The following ADHFE1 variants were observed in gnomAD, a reference collection of about 807,000 sequenced individuals.
The protein encoded by ADHFE1 is hydroxyacid-oxoacid transhydrogenase, mitochondrial.
ADHFE1 carries 37 observed loss-of-function variants against 54.8 expected under a neutral mutation model. The ratio of observed to expected loss-of-function variants is 0.68; its 90% CI spans 0.52 to 0.89. The LOEUF (loss-of-function observed/expected upper bound fraction) is 0.89. Ranked by LOEUF, ADHFE1 falls within the 40% of genes least tolerant of loss-of-function variation. ADHFE1 has a pLI of 0.00. For synonymous variants in ADHFE1, 203 were observed against 229.3 expected (o/e 0.89, Z 1.04); for missense variants, 601 against 591.2 (o/e 1.02, Z -0.17).
intron 13 of ADHFE1, among the ~76,000 whole-genome samples, chr8:66,461,986 C>T (rs186821309): frequency 1.8e-4 from 28 of 152,320 alleles, no homozygotes; most frequent in East Asian, 9.6e-4. Context: ...CACTCTCTAA[C>T]GCCCTCACAG....
At chr8:66,438,410 A>G (rs1221638816) in intron 1 of ADHFE1, among the ~76,000 whole-genome samples, 1 of 152,158 alleles carries the variant, frequency 6.6e-6, no homozygotes, top group Non-Finnish European at 1.5e-5. Flanking sequence ...GCAGAGTGGA[A>G]AAGGAGCCAG....
At chr8:66,438,278 G>C (rs1461003430) in intron 1 of ADHFE1, among the ~76,000 whole-genome samples, 2 of 152,158 alleles carry the variant, frequency 1.3e-5, no homozygotes, top group Non-Finnish European at 2.9e-5. Context: ...GGAAAACTGG[G>C]TGGGCTTGAG....
chr8:66,452,888 C>T (rs1295138054), intron 9 of ADHFE1, among the ~76,000 whole-genome samples: 2 of 152,218 alleles, frequency 1.3e-5, no homozygotes, highest in Non-Finnish European at 2.9e-5. Context: ...GTCAGACTCA[C>T]GTTTGTATTT....
chr8:66,458,117 G>A (rs1195878535), intron 12 of ADHFE1, among the ~76,000 whole-genome samples: 4 of 152,226 alleles, frequency 2.6e-5, no homozygotes, highest in Admixed American at 2.0e-4. Flanking sequence ...TAAGTAAAAT[G>A]TTGGTGTTTT....
chr8:66,467,109 A>T (rs1043152469), intron 13 of ADHFE1, among the ~76,000 whole-genome samples: 1 of 152,166 alleles, frequency 6.6e-6, no homozygotes, highest in Non-Finnish European at 1.5e-5. Flanking sequence ...ACCTTTCAGG[A>T]AGCTTCTCAA....
intron 12 of ADHFE1, among the ~76,000 whole-genome samples, chr8:66,459,844 T>C (rs1272787250): frequency 1.3e-5 from 2 of 152,246 alleles, no homozygotes; most frequent in Non-Finnish European, 2.9e-5. Flanking sequence ...TTTAGAGCTT[T>C]TGTACTTCTG....
At chr8:66,459,163 G>A (rs1806751181) in intron 12 of ADHFE1, among the ~76,000 whole-genome samples, 1 of 152,056 alleles carries the variant, frequency 6.6e-6, no homozygotes, top group African/African-American at 2.4e-5. Context: ...AAGAGAAAGT[G>A]GACTTAGACT....
rs1460354789 is a variant in ADHFE1, at chr8:66,454,059, G to C, written c.888G>C (p.Arg296Ser). The C allele has an allele frequency of 8.1e-6, 13 of 1,613,898 alleles. No homozygotes were observed. The highest frequency in any genetic ancestry group is 1.1e-5 in the Non-Finnish European group (13 of 1,179,930). Residue 296 changes from arginine (R) to serine (S), a missense_variant and splice_region_variant, in exon 10 of 14, where the codon AGG (arginine) becomes AGC (serine). Arg to Ser is a moderately radical substitution (Grantham distance 110, BLOSUM62 -1). Transcript: ENST00000396623. ...TGTTAGGTATTTATATCATTCACAGGGCTGTCAGAAATCCCGATGATCTTG... is the reference window on the plus strand; with the variant it reads ...TGTTAGGTATTTATATCATTCACAGCGCTGTCAGAAATCCCGATGATCTTG... ...ALRIVAKYLK[R>S]AVRNPDDLEA...
At chr8:66,452,214 A>G (rs1490943440) in intron 9 of ADHFE1, 109 bp downstream of exon 9, 26 of 1,422,466 alleles carry the variant, frequency 1.8e-5, no homozygotes, top group Non-Finnish European at 1.9e-6. Flanking sequence ...CTGTTCCAGA[A>G]AAGCAGTCAG....
Position 66,457,093 on chromosome 8 carries a change from C to T in ADHFE1, c.1089C>T (p.Leu363=), listed in dbSNP as rs1391206069. The T allele has an allele frequency of 1.2e-6, 2 of 1,613,776 alleles. No homozygotes were observed. Among genetic ancestry groups the T allele is most frequent in the Non-Finnish European group, 1.7e-6 (2 of 1,179,792 alleles). Residue 363 remains leucine (L), a synonymous_variant, in exon 12 of 14, where the codon CTC becomes CTT. Coordinates refer to ENST00000396623, the MANE Select transcript of ADHFE1 (RefSeq NM_144650.3). ...PLVPHGLSVV[L]TSPAVFTFTA... is the part of the protein sequence containing the mutation. ...AGCCCCATGGCCTTTCTGTGGTGCTCACGTCCCCAGCGGTGTTCACTTTCA... is the reference window on the plus strand; with the variant it reads ...AGCCCCATGGCCTTTCTGTGGTGCTTACGTCCCCAGCGGTGTTCACTTTCA...
intron 13 of ADHFE1, 109 bp from the exon 14 acceptor site, chr8:66,468,160 C>T (rs1444649535): frequency 3.4e-5 from 25 of 731,636 alleles, no homozygotes; most frequent in Middle Eastern, 5.0e-4. Flanking sequence ...AAAGATATGG[C>T]GTTTATCAAG....
intron 13 of ADHFE1, among the ~76,000 whole-genome samples, chr8:66,466,276 G>A (rs185802925): frequency 0.016 from 2,356 of 145,660 alleles, 62 homozygotes; most frequent in African/African-American, 0.055. Flanking sequence ...AGTAGAGACA[G>A]GGTTTCACCA....
intron 1 of ADHFE1, among the ~76,000 whole-genome samples, chr8:66,436,914 A>T (rs911556633): frequency 2.0e-5 from 3 of 152,312 alleles, no homozygotes; most frequent in Non-Finnish European, 4.4e-5. Flanking sequence ...GTTTCCAGGA[A>T]GGAGGGAGTG....
intron 2 of ADHFE1, among the ~76,000 whole-genome samples, chr8:66,441,247 C>CAG (rs1363764040): frequency 2.0e-5 from 3 of 152,046 alleles, no homozygotes; most frequent in Admixed American, 6.6e-5. Context: ...TTTTTATATA[C>CAG]AGAGAGAGAG....
intron 10 of ADHFE1, 30 bp from the exon 11 acceptor site, chr8:66,456,787 A>G: frequency 1.3e-6 from 2 of 1,542,618 alleles, no homozygotes; most frequent in Admixed American, 1.7e-5. Flanking sequence ...ATAACTGTGT[A>G]TGAACATAAG....
chr8:66,457,073 C>T lies in ADHFE1; in HGVS notation c.1069C>T (p.His357Tyr), dbSNP rs766477543. 120 of 1,613,200 alleles carry T rather than the reference C, an allele frequency of 7.4e-5. No individual in the cohort carries two copies. The highest frequency in any genetic ancestry group is 9.7e-5 in the Non-Finnish European group (114 of 1,179,520). ...DYNVDHPLVPHGLSVVLTSPA... is the reference protein window; with the variant it reads ...DYNVDHPLVPYGLSVVLTSPA... ...ACCGCATTTCGTTTCTCCCCAGCCCCATGGCCTTTCTGTGGTGCTCACGTC... is the reference window on the plus strand; with the variant it reads ...ACCGCATTTCGTTTCTCCCCAGCCCTATGGCCTTTCTGTGGTGCTCACGTC... Residue 357 changes from histidine (H) to tyrosine (Y), a missense_variant, in exon 12 of 14, where the codon CAT becomes TAT. Transcript: ENST00000396623.
At chr8:66,460,783 T>G (rs2718997) in intron 13 of ADHFE1, among the ~76,000 whole-genome samples, 32,497 of 152,206 alleles carry the variant, frequency 0.21, 3,682 homozygotes, top group African/African-American at 0.27. Context: ...TTTTCCCCAT[T>G]TCTGTTCTTT....
chr8:66,461,255 CT>C (rs1806884142), intron 13 of ADHFE1, among the ~76,000 whole-genome samples: 2 of 152,158 alleles, frequency 1.3e-5, no homozygotes, highest in Non-Finnish European at 2.9e-5. Flanking sequence ...TCCTTTAGTC[CT>C]CTTGGCCAAT....
chr8:66,437,513 C>T (rs1288914022), intron 1 of ADHFE1, among the ~76,000 whole-genome samples: 2 of 152,122 alleles, frequency 1.3e-5, no homozygotes, highest in Admixed American at 1.3e-4. Context: ...TTCAGGCCAT[C>T]CTAAGAAGGC....
Sources: gnomAD v4.1 joint callset for allele counts (sites outside exome capture counted in the v4.1 genomes callset) on GRCh38, gnomAD v4.1.1 for gene constraint, MANE v1.5 for transcripts, NCBI Gene and HGNC (gene_info 2026-07-23, HGNC 2026-07-21) for gene names.